The following CDH8 variants were observed in gnomAD, a reference collection of about 807,000 sequenced individuals.
CDH8 encodes the protein cadherin 8, also known as cadherin-8.
CDH8 carries 17 observed loss-of-function variants against 68.1 expected under a neutral mutation model. That is an observed-to-expected ratio of 0.25 (90% CI 0.17 to 0.37). The LOEUF (loss-of-function observed/expected upper bound fraction) is 0.37, where lower values mean the gene tolerates loss of function less well. Ranked by LOEUF, CDH8 falls within the 10% of genes least tolerant of loss-of-function variation. The pLI is 1.00. For synonymous variants in CDH8, 372 were observed against 365.1 expected (o/e 1.02, Z -0.21); for missense variants, 763 against 999.3 (o/e 0.76, Z 3.19).
chr16:61,962,428 G>A (rs181342459), intron 2 of CDH8, among the ~76,000 whole-genome samples: 36 of 152,146 alleles, frequency 2.4e-4, no homozygotes, highest in Admixed American at 7.9e-4. Context: ...AGTATATGAC[G>A]GTACCTGAGT....
intron 4 of CDH8, among the ~76,000 whole-genome samples, chr16:61,835,325 G>T (rs1290013708): frequency 6.6e-6 from 1 of 151,856 alleles, no homozygotes; most frequent in African/African-American, 2.4e-5. Flanking sequence ...AAAAACTACA[G>T]CTTCTTAATT....
chr16:61,914,678 C>A (rs909574573), intron 2 of CDH8, among the ~76,000 whole-genome samples: 1 of 147,862 alleles, frequency 6.8e-6, no homozygotes, highest in African/African-American at 2.5e-5. Flanking sequence ...ACATATGTAA[C>A]AAACCTGCAC....
chr16:61,740,642 C>T (rs888898648), intron 8 of CDH8, among the ~76,000 whole-genome samples: 5 of 152,066 alleles, frequency 3.3e-5, no homozygotes, highest in Non-Finnish European at 5.9e-5. Flanking sequence ...AGATTGAATT[C>T]ATACAGTGTA....
intron 2 of CDH8, among the ~76,000 whole-genome samples, chr16:62,001,253 A>T (rs1258089602): frequency 6.6e-6 from 1 of 152,198 alleles, no homozygotes; most frequent in Non-Finnish European, 1.5e-5. Context: ...TAATAGGTAC[A>T]GTTAGAGTTA....
intron 10 of CDH8, among the ~76,000 whole-genome samples, chr16:61,669,783 A>G (rs1438172364): frequency 1.3e-5 from 2 of 152,080 alleles, no homozygotes; most frequent in African/African-American, 4.8e-5. Flanking sequence ...GTCAAGAAGA[A>G]AAAGCTAGTT....
intron 7 of CDH8, among the ~76,000 whole-genome samples, chr16:61,799,863 C>T (rs1056095125): frequency 6.6e-6 from 1 of 152,122 alleles, no homozygotes; most frequent in Non-Finnish European, 1.5e-5. Flanking sequence ...TTGGTAAATA[C>T]TGGGAATGAA....
intron 2 of CDH8, among the ~76,000 whole-genome samples, chr16:61,932,218 A>AAAAAAAAGAAAAG (rs577005665): frequency 2.7e-5 from 4 of 146,904 alleles, no homozygotes; most frequent in East Asian, 2.1e-4. Flanking sequence ...AAAAAAAAAA[A>AAAAAAAAGAAAAG]AAAAGAAAAG....
chr16:61,865,475 A>T (rs1174578429), intron 3 of CDH8, among the ~76,000 whole-genome samples: 1 of 152,144 alleles, frequency 6.6e-6, no homozygotes, highest in Non-Finnish European at 1.5e-5. Flanking sequence ...GAAATGGAAA[A>T]TATCATATGA....
At position 61,960,294 on chromosome 16, in the gene CDH8, C is replaced by CATAT. The variant is rs1435811908; in HGVS notation, c.253-58822_253-58821insATAT. On this transcript the variant is annotated intron_variant, in intron 2 of 11. Coordinates refer to ENST00000577390, the MANE Select transcript of CDH8 (RefSeq NM_001796.5). ...GTGTGTGTGTATACACACATATATA[C>CATAT]GTGTGTGTGTATACACACATATATA... 3.3e-5 allele frequency among the ~76,000 whole-genome samples: 3 copies of CATAT among 90,360 alleles called. 1 individual carries two copies. The highest frequency in any genetic ancestry group is 1.6e-4 in the African/African-American group (2 of 12,328). The allele number at this position is 90,360 out of a possible 152,430, so 59.3% of individuals were successfully genotyped here.
chr16:61,666,533 T>A (rs1004011324), intron 10 of CDH8, among the ~76,000 whole-genome samples: 1 of 152,020 alleles, frequency 6.6e-6, no homozygotes, highest in Admixed American at 6.6e-5. Context: ...GTTGTCCTTT[T>A]AGATGCAAAC....
chr16:61,922,025 G>C lies in CDH8; in HGVS notation c.253-20552C>G, dbSNP rs562543887. ...CAGCCTGGGCGACAGAGCAAGCCTG[G>C]GGAAAAAAAAAAATAGAGGTCACAT... On this transcript the variant is annotated intron_variant, in intron 2 of 11. Transcript: ENST00000577390. Among the ~76,000 whole-genome samples, 226 of 149,922 alleles carry C rather than the reference G, an allele frequency of 1.5e-3. 1 individual carries two copies. Among genetic ancestry groups the C allele is most frequent in the Non-Finnish European group, 2.0e-3 (134 of 67,808 alleles).
chr16:61,736,240 C>A (rs1459059914), intron 8 of CDH8, among the ~76,000 whole-genome samples: 1 of 152,034 alleles, frequency 6.6e-6, no homozygotes, highest in African/African-American at 2.4e-5. Context: ...ACCATGCCAT[C>A]ACCAAATAAT....
chr16:61,787,548 C>T (rs1361346820), intron 8 of CDH8, among the ~76,000 whole-genome samples: 1 of 140,472 alleles, frequency 7.1e-6, no homozygotes, highest in Non-Finnish European at 1.5e-5. Context: ...CCTCAGGGAT[C>T]TAGAACTAGA....
chr16:61,995,481 G>A (rs989329031), intron 2 of CDH8, among the ~76,000 whole-genome samples: 3 of 152,024 alleles, frequency 2.0e-5, no homozygotes, highest in South Asian at 2.1e-4. Context: ...AGGTTCAAGC[G>A]ATTCTCCTGC....
At chr16:61,914,794 T>C (rs1411252472) in intron 2 of CDH8, among the ~76,000 whole-genome samples, 1 of 151,346 alleles carries the variant, frequency 6.6e-6, no homozygotes, top group Non-Finnish European at 1.5e-5. Flanking sequence ...TATGGGGTCT[T>C]TTAGAAGGCT....
At chr16:61,764,028 A>G (rs1020943770) in intron 8 of CDH8, among the ~76,000 whole-genome samples, 3 of 152,160 alleles carry the variant, frequency 2.0e-5, no homozygotes, top group African/African-American at 7.2e-5. Context: ...ATACATATGA[A>G]TCGAATGAAT....
At chr16:61,768,320 C>T (rs957406440) in intron 8 of CDH8, among the ~76,000 whole-genome samples, 16 of 53,310 alleles carry the variant, frequency 3.0e-4, no homozygotes, top group South Asian at 1.5e-3. Context: ...CCCTTTCTCT[C>T]TCTCTCTCTC....
intron 3 of CDH8, among the ~76,000 whole-genome samples, chr16:61,891,109 G>A (rs1337280013): frequency 6.6e-6 from 1 of 151,730 alleles, no homozygotes; most frequent in Non-Finnish European, 1.5e-5. Flanking sequence ...TTGAGGGTTG[G>A]ACCACATATT....
chr16:61,943,600 G>A (rs1246477141), intron 2 of CDH8, among the ~76,000 whole-genome samples: 1 of 152,148 alleles, frequency 6.6e-6, no homozygotes, highest in Non-Finnish European at 1.5e-5. Context: ...GTCTACATAA[G>A]AACTGGGTTT....
Sources: gnomAD v4.1 joint callset for allele counts (sites outside exome capture counted in the v4.1 genomes callset) on GRCh38, gnomAD v4.1.1 for gene constraint, MANE v1.5 for transcripts, NCBI Gene and HGNC (gene_info 2026-07-23, HGNC 2026-07-21) for gene names.